The following NCOR1 variants were observed in gnomAD, a reference collection of about 807,000 sequenced individuals.
NCOR1 encodes the protein protein phosphatase 1, regulatory subunit 109.
In NCOR1, 63 loss-of-function variants were observed where a neutral mutation model predicts 288.1. The observed-to-expected ratio is 0.22, with a 90% confidence interval of 0.18 to 0.27. NCOR1 has a LOEUF of 0.27. Among genes scored for constraint, NCOR1 ranks in the 10% least tolerant of loss-of-function variants. The pLI, the probability that NCOR1 is intolerant of heterozygous loss-of-function variation, is 1.00. For synonymous variants in NCOR1, 1,007 were observed against 1,065.9 expected, an observed-to-expected ratio of 0.94 and a Z score of 1.08; for missense variants, 2,397 against 3,019.2, an observed-to-expected ratio of 0.79 and a Z score of 4.83.
intron 3 of NCOR1, among the ~76,000 whole-genome samples, chr17:16,184,525 C>T (rs1179542395): frequency 6.6e-6 from 1 of 152,034 alleles, no homozygotes; most frequent in Non-Finnish European, 1.5e-5. Context: ...ATTCTCACAC[C>T]CATTAGGATG....
chr17:16,137,494 C>T, intron 13 of NCOR1, 82 bp from the exon 14 acceptor site: 1 of 688,372 alleles, frequency 1.5e-6, no homozygotes, highest in Non-Finnish European at 2.3e-6. Context: ...CAAGGAAAAT[C>T]TCTGGTATTC....
At chr17:16,095,772 C>T (rs2066471988) in intron 21 of NCOR1, among the ~76,000 whole-genome samples, 2 of 150,450 alleles carry the variant, frequency 1.3e-5, no homozygotes, top group South Asian at 4.2e-4. Context: ...CCGGCTGCCC[C>T]TACTGGGAAG....
chr17:16,195,798 G>C (rs2089650503), intron 1 of NCOR1, among the ~76,000 whole-genome samples: 1 of 152,128 alleles, frequency 6.6e-6, no homozygotes, highest in African/African-American at 2.4e-5. Context: ...TGACTAATGG[G>C]AGAACAGGTA....
At chr17:16,065,765 C>A in intron 32 of NCOR1, 71 bp from the exon 33 acceptor site, 1 of 1,368,524 alleles carries the variant, frequency 7.3e-7, no homozygotes. Flanking sequence ...ACACCACGTA[C>A]AAAAGAGTAG....
At chr17:16,095,763 C>T (rs1010459872) in intron 21 of NCOR1, among the ~76,000 whole-genome samples, 3 of 146,930 alleles carry the variant, frequency 2.0e-5, no homozygotes, top group East Asian at 2.1e-4. Flanking sequence ...CGCCTCTGCC[C>T]GGCTGCCCCT....
At chr17:16,137,261 C>G (rs763770448) in intron 14 of NCOR1, 50 bp downstream of exon 14, 1 of 1,243,608 alleles carries the variant, frequency 8.0e-7, no homozygotes, top group South Asian at 1.3e-5. Flanking sequence ...TTTTTGCTTG[C>G]CTATTTCCCC....
intron 23 of NCOR1, among the ~76,000 whole-genome samples, chr17:16,085,620 T>C (rs1238109058): frequency 1.3e-5 from 2 of 152,210 alleles, no homozygotes; most frequent in Non-Finnish European, 2.9e-5. Context: ...GAGTACACCA[T>C]GTTTGATTCC....
chr17:16,080,114 A>C (rs551137888), intron 25 of NCOR1, 50 bp from the exon 26 acceptor site: 1 of 1,431,080 alleles, frequency 7.0e-7, no homozygotes, highest in Non-Finnish European at 9.8e-7. Context: ...CCCCTGCCCC[A>C]AAACATAAAA....
chr17:16,146,998 C>A (rs2078086109), intron 9 of NCOR1, among the ~76,000 whole-genome samples: 1 of 152,148 alleles, frequency 6.6e-6, no homozygotes, highest in Non-Finnish European at 1.5e-5. Flanking sequence ...CACGCTTTAA[C>A]CGATCTATTA....
chr17:16,209,680 G>A (rs1161908061), intron 1 of NCOR1, among the ~76,000 whole-genome samples: 1 of 150,442 alleles, frequency 6.6e-6, no homozygotes, highest in Admixed American at 6.6e-5. Context: ...GGCCAAGTGC[G>A]ATGGCTCACG....
At position 16,186,675 on chromosome 17, in the gene NCOR1, G is replaced by A. The variant is rs1600183321; in HGVS notation, c.121C>T (p.Pro41Ser). ...TCAAGATGAGAGGAACGATAATCAG[G>A]GACTGCGAACTCCTAGTATTAAAAT... The part of the protein sequence containing the change: ...NTRHQQEFAV[P>S]DYRSSHLEVS... The change falls in exon 3 of 46, where the codon CCT (proline) becomes TCT (serine). Residue 41 changes from proline to serine, a missense_variant. Pro to Ser is a moderately conservative substitution (Grantham distance 74). Transcript: ENST00000268712. 6.2e-7 allele frequency: 1 copy of A among 1,612,378 alleles called. No homozygotes were observed. Among genetic ancestry groups the A allele is most frequent in the East Asian group, 2.2e-5 (1 of 44,816 alleles).
chr17:16,047,110 T>G lies in NCOR1; in HGVS notation c.6537-17A>C. 1 of 1,605,640 alleles carries G rather than the reference T, an allele frequency of 6.2e-7. No individual in the cohort carries two copies. Among genetic ancestry groups the G allele is most frequent in the Non-Finnish European group, 8.5e-7 (1 of 1,176,024 alleles). ...GCATCATTCCTGTTAGGGCCAAAGTTAAGTATATTACAACCACGTACTCCT... is the reference window on the plus strand; with the variant it reads ...GCATCATTCCTGTTAGGGCCAAAGTGAAGTATATTACAACCACGTACTCCT... On this transcript the variant is annotated splice_polypyrimidine_tract_variant and intron_variant, in intron 41 of 45. Coordinates refer to ENST00000268712, the MANE Select transcript of NCOR1 (RefSeq NM_006311.4).
intron 9 of NCOR1, among the ~76,000 whole-genome samples, chr17:16,147,576 G>A (rs904397683): frequency 6.6e-6 from 1 of 152,178 alleles, no homozygotes; most frequent in African/African-American, 2.4e-5. Flanking sequence ...AGAGGAAAGT[G>A]AGGAAGGGTT....
chr17:16,108,738 T>C (rs779848879), intron 19 of NCOR1, 48 bp downstream of exon 19: 10 of 1,511,568 alleles, frequency 6.6e-6, no homozygotes, highest in Non-Finnish European at 7.1e-6. Context: ...TAAAAATTAT[T>C]TATTCTGGAT....
At chr17:16,170,105 T>TTC in intron 4 of NCOR1, among the ~76,000 whole-genome samples, 1 of 76,500 alleles carries the variant, frequency 1.3e-5, no homozygotes, top group Admixed American at 1.2e-4. Flanking sequence ...CATATTTGCT[T>TTC]TCTGTGTGTG....
intron 1 of NCOR1, among the ~76,000 whole-genome samples, chr17:16,203,382 C>G (rs1230108707): frequency 6.6e-6 from 1 of 152,174 alleles, no homozygotes; most frequent in Non-Finnish European, 1.5e-5. Flanking sequence ...GAGCCCTTCT[C>G]TGCCAGGTCC....
rs1237928832 is a variant in NCOR1, at chr17:16,032,234, AAATT to A, written c.*58_*61del. On this transcript the variant is annotated 3_prime_UTR_variant, in exon 46 of 46. Coordinates refer to ENST00000268712, the MANE Select transcript of NCOR1 (RefSeq NM_006311.4). Reference sequence around the variant, plus strand: ...GGGCAGGTTTTTGACCTGCTACTAAAAATTAAACCACAAAAACTAGAGATCCCTC... The same window carrying A: ...GGGCAGGTTTTTGACCTGCTACTAAAAAACCACAAAAACTAGAGATCCCTC... 1 of 1,471,862 alleles carries A rather than the reference AAATT, an allele frequency of 6.8e-7. No homozygotes were observed. The highest frequency in any genetic ancestry group is 9.0e-7 in the Non-Finnish European group (1 of 1,115,146). The allele number at this position is 1,471,862 out of a possible 1,614,324, so 91.2% of individuals were successfully genotyped here.
In NCOR1 at chr17:16,134,768, C is replaced by T. The variant is rs117449802; in HGVS notation, c.1509+2543G>A. On this transcript the variant is annotated intron_variant, in intron 14 of 45. Coordinates refer to ENST00000268712, the MANE Select transcript of NCOR1 (RefSeq NM_006311.4). Reference sequence around the variant, plus strand: ...TGTATAAGTATCACCTTATCTCTTACGTTAATGTAGGACTGAACATTTTAA... The same window carrying T: ...TGTATAAGTATCACCTTATCTCTTATGTTAATGTAGGACTGAACATTTTAA... Among the ~76,000 whole-genome samples, 279 of 152,234 alleles carry T rather than the reference C, an allele frequency of 1.8e-3. 10 individuals are homozygous for T. In the East Asian group the frequency reaches 0.048, roughly 26 times the overall value.
intron 21 of NCOR1, among the ~76,000 whole-genome samples, chr17:16,095,203 G>A (rs1294675386): frequency 3.3e-5 from 5 of 149,958 alleles, no homozygotes; most frequent in African/African-American, 1.2e-4. Flanking sequence ...TGTGGGGAGC[G>A]CCTCTACCCC....
Sources: gnomAD v4.1 joint callset for allele counts (sites outside exome capture counted in the v4.1 genomes callset) on GRCh38, gnomAD v4.1.1 for gene constraint, MANE v1.5 for transcripts, NCBI Gene and HGNC (gene_info 2026-07-23, HGNC 2026-07-21) for gene names.